IL7: variants seen among roughly 807,000 people sequenced by gnomAD.
IL7 encodes interleukin 7, also known as interleukin-7.
A neutral mutation model predicts 21.6 loss-of-function variants in IL7; 3 were observed. The observed-to-expected ratio is 0.14, with a 90% CI of 0.06 to 0.36. The LOEUF (loss-of-function observed/expected upper bound fraction) is 0.36. Ranked by LOEUF, IL7 falls within the 10% of genes least tolerant of loss-of-function variation. The pLI is 1.00. For missense variants in IL7, 175 were observed against 200.2 expected, an observed-to-expected ratio of 0.87 and a Z score of 0.76; for synonymous variants, 62 against 68.1, an observed-to-expected ratio of 0.91 and a Z score of 0.44.
chr8:78,715,452 T>C (rs1586034644), downstream of IL7: 1 of 889,506 alleles, frequency 1.1e-6, no homozygotes, highest in East Asian at 2.8e-5. Context: ...TCTTTTAATC[T>C]GGCTTTTAAG....
chr8:78,691,187 A>G lies in IL7; in HGVS notation n.215-5240T>C, dbSNP rs1047891402. ...AAAGCATTGTTTTTCACCATTGTGT[A>G]TGATGTTCCATCAATTACTGAGGGA... On this transcript the variant is annotated intron_variant and non_coding_transcript_variant, in intron 3 of 4. Coordinates refer to the IL7 transcript ENST00000523959. 2.6e-4 allele frequency among the ~76,000 whole-genome samples: 40 copies of G among 152,212 alleles called. 1 individual carries two copies. The highest frequency in any genetic ancestry group is 6.5e-4 in the Admixed American group (10 of 15,290).
At chr8:78,734,750 A>G (rs1811515370) in intron 5 of IL7, among the ~76,000 whole-genome samples, 1 of 152,168 alleles carries the variant, frequency 6.6e-6, no homozygotes, top group Non-Finnish European at 1.5e-5. Context: ...GTATTCTCTC[A>G]GTCATATATT....
intron 2 of IL7, among the ~76,000 whole-genome samples, chr8:78,764,033 T>C (rs773151035): frequency 3.4e-4 from 51 of 152,152 alleles, no homozygotes; most frequent in Non-Finnish European, 7.1e-4. Flanking sequence ...TATGCAAAGG[T>C]GTTTTAACAT....
intron 3 of IL7, chr8:78,698,563 T>C: frequency 1.5e-6 from 2 of 1,324,176 alleles, no homozygotes; most frequent in Non-Finnish European, 2.1e-6. Context: ...TAAACGATAC[T>C]AAGGTTTTGT....
At chr8:78,699,318 A>G (rs114546137) in intron 3 of IL7, among the ~76,000 whole-genome samples, 2,492 of 152,252 alleles carry the variant, frequency 0.016, 62 homozygotes, top group African/African-American at 0.057. Context: ...ATAGAGCCAT[A>G]TATTTTTAGA....
intron 2 of IL7, among the ~76,000 whole-genome samples, chr8:78,740,488 A>C (rs1811740247): frequency 6.6e-6 from 1 of 152,226 alleles, no homozygotes. Flanking sequence ...AAGAAAAGGA[A>C]TTTATATTAG....
chr8:78,711,879 A>G (rs572218143), intron 3 of IL7: 1 of 523,156 alleles, frequency 1.9e-6, no homozygotes, highest in Non-Finnish European at 3.1e-6. Context: ...GATAAAATTA[A>G]GGACTTGGGG....
intron 2 of IL7, chr8:78,760,618 T>A: frequency 6.4e-7 from 1 of 1,569,626 alleles, no homozygotes; most frequent in Non-Finnish European, 8.6e-7. Flanking sequence ...GAGATAAGCA[T>A]TTAAGAGCTT....
downstream of IL7, among the ~76,000 whole-genome samples, chr8:78,716,224 G>A (rs1343550890): frequency 3.3e-5 from 5 of 151,266 alleles, no homozygotes; most frequent in Non-Finnish European, 7.4e-5. Context: ...CCAGGTTCAC[G>A]CCATTCTCCT....
intron 3 of IL7, chr8:78,711,849 A>C (rs1810959487): frequency 3.6e-5 from 15 of 416,280 alleles, no homozygotes; most frequent in South Asian, 2.9e-4. Context: ...TTTGGACATT[A>C]GTTCTTACCT....
At chr8:78,773,669 G>A (rs1464407214) in intron 2 of IL7, among the ~76,000 whole-genome samples, 1 of 152,128 alleles carries the variant, frequency 6.6e-6, no homozygotes, top group Admixed American at 6.6e-5. Flanking sequence ...AATAGCCAGT[G>A]AGTGGTAACC....
intron 1 of IL7, among the ~76,000 whole-genome samples, chr8:78,803,159 A>G (rs559732058): frequency 6.6e-6 from 1 of 152,204 alleles, no homozygotes; most frequent in South Asian, 2.1e-4. Flanking sequence ...GGTTTCTAAT[A>G]TTAGTTCTCT....
intron 3 of IL7, among the ~76,000 whole-genome samples, chr8:78,711,396 T>C (rs1810945754): frequency 6.6e-6 from 1 of 152,046 alleles, no homozygotes; most frequent in Admixed American, 6.6e-5. Context: ...ATAGGCCCCT[T>C]ACCATTATTA....
intron 2 of IL7, among the ~76,000 whole-genome samples, chr8:78,744,899 G>A (rs1586062604): frequency 6.6e-6 from 1 of 152,158 alleles, no homozygotes; most frequent in Non-Finnish European, 1.5e-5. Context: ...CCGATTCTCT[G>A]GGCAGGGGAG....
At chr8:78,751,734 A>T (rs1373986701) in intron 2 of IL7, among the ~76,000 whole-genome samples, 1 of 152,188 alleles carries the variant, frequency 6.6e-6, no homozygotes, top group African/African-American at 2.4e-5. Context: ...TAGCATATCC[A>T]TCCCCTCTAA....
At chr8:78,736,803 A>G (rs1811610396) in intron 4 of IL7, among the ~76,000 whole-genome samples, 1 of 152,154 alleles carries the variant, frequency 6.6e-6, no homozygotes, top group South Asian at 2.1e-4. Flanking sequence ...GGTATGAAAA[A>G]TTAACATAGT....
Position 78,798,106 on chromosome 8 carries a change from T to G in IL7, c.113A>C (p.Glu38Ala), listed in dbSNP as rs749762459. The G allele has an allele frequency of 3.1e-6, 5 of 1,612,238 alleles. No individual in the cohort carries two copies. In the African/African-American group the frequency reaches 6.7e-5, roughly 22 times the overall value. ...DIEGKDGKQY[E>A]SVLMVSIDQL... ...ATCGATGCTGACCATTAGAACACTCTCATATTGTTTGCCATCTTTACCTTC... is the reference window on the plus strand; with the variant it reads ...ATCGATGCTGACCATTAGAACACTCGCATATTGTTTGCCATCTTTACCTTC... Residue 38 changes from glutamate to alanine, a missense_variant, in exon 2 of 6, where the codon GAG becomes GCG. Coordinates refer to ENST00000263851, the MANE Select transcript of IL7 (RefSeq NM_000880.4).
rs560365079 is a variant in IL7 at position 78,679,674 on chromosome 8, G to A, written n.274-3570C>T. Among the ~76,000 whole-genome samples the A allele has an allele frequency of 5.9e-5, 9 of 152,204 alleles. No individual in the cohort carries two copies. The South Asian group carries it at 1.5e-3, about 25-fold the overall frequency. On this transcript the variant is annotated intron_variant and non_coding_transcript_variant, in intron 4 of 4. Transcript: ENST00000523959. ...ATTTCAGTGAAGTGATTTAAGCTAA[G>A]TACCTGATTGAATAGGTTTTTTAAA...
intron 2 of IL7, among the ~76,000 whole-genome samples, chr8:78,772,615 G>T (rs1025234339): frequency 6.6e-6 from 1 of 152,058 alleles, no homozygotes; most frequent in African/African-American, 2.4e-5. Flanking sequence ...GTTGTACAAA[G>T]AAACCAATTT....
Sources: gnomAD v4.1 joint callset for allele counts (sites outside exome capture counted in the v4.1 genomes callset) on GRCh38, gnomAD v4.1.1 for gene constraint, MANE v1.5 for transcripts, NCBI Gene and HGNC (gene_info 2026-07-23, HGNC 2026-07-21) for gene names.